PLB1: variants seen among roughly 807,000 people sequenced by gnomAD.
PLB1 encodes phospholipase B1, membrane-associated.
PLB1 carries 242 observed loss-of-function variants against 227.4 expected under a neutral mutation model. The ratio of observed to expected loss-of-function variants is 1.06; its 90% confidence interval spans 0.96 to 1.18. The LOEUF is 1.18. PLB1 is among the 50% of genes most tolerant of loss of function. PLB1 has a pLI of 0.00. For synonymous variants in PLB1, 757 were observed against 682.2 expected, an observed-to-expected ratio of 1.11 and a Z score of -1.71; for missense variants, 1,858 against 1,816.3, an observed-to-expected ratio of 1.02 and a Z score of -0.42.
At chr2:28,614,212 A>T in intron 44 of PLB1, 116 bp downstream of exon 44, 2 of 1,026,028 alleles carry the variant, frequency 1.9e-6, no homozygotes, top group Non-Finnish European at 3.1e-6. Context: ...CTTCTTACAT[A>T]CTGGGGATTG....
At chr2:28,522,202 C>T (rs1669612261) in intron 4 of PLB1, among the ~76,000 whole-genome samples, 1 of 151,852 alleles carries the variant, frequency 6.6e-6, no homozygotes, top group Admixed American at 6.6e-5. Context: ...TAGAACTTCA[C>T]CCTGATCACA....
chr2:28,497,911 G>C (rs974049782), intron 1 of PLB1, among the ~76,000 whole-genome samples: 5 of 151,648 alleles, frequency 3.3e-5, no homozygotes, highest in African/African-American at 1.2e-4. Context: ...TAGAGACAGG[G>C]TTTCACCATG....
chr2:28,497,106 T>G (rs1666545140), intron 1 of PLB1, among the ~76,000 whole-genome samples: 1 of 152,264 alleles, frequency 6.6e-6, no homozygotes, highest in South Asian at 2.1e-4. Context: ...AGTGTTTTCA[T>G]AGAGATTGTT....
At chr2:28,576,702 C>A (rs930883372) in intron 21 of PLB1, among the ~76,000 whole-genome samples, 8 of 152,268 alleles carry the variant, frequency 5.3e-5, no homozygotes, top group African/African-American at 1.4e-4. Context: ...TGCACTACAA[C>A]CTGGGCGATA....
At chr2:28,515,723 A>G (rs1455793455) in intron 1 of PLB1, among the ~76,000 whole-genome samples, 1 of 152,184 alleles carries the variant, frequency 6.6e-6, no homozygotes, top group African/African-American at 2.4e-5. Context: ...GGCATTGCTA[A>G]TGTTGTTTGG....
At chr2:28,542,608 T>C (rs1051083405) in intron 13 of PLB1, among the ~76,000 whole-genome samples, 2 of 152,110 alleles carry the variant, frequency 1.3e-5, no homozygotes, top group Non-Finnish European at 2.9e-5. Flanking sequence ...TGCCAGCTCT[T>C]GTCCCTCCCC....
chr2:28,553,237 T>C (rs1674523533), intron 17 of PLB1, among the ~76,000 whole-genome samples: 1 of 152,166 alleles, frequency 6.6e-6, no homozygotes, highest in Non-Finnish European at 1.5e-5. Context: ...AAGAACCCAA[T>C]GTTAGTTGTG....
chr2:28,504,548 G>A (rs1475655174), intron 1 of PLB1, among the ~76,000 whole-genome samples: 1 of 152,106 alleles, frequency 6.6e-6, no homozygotes, highest in Non-Finnish European at 1.5e-5. Flanking sequence ...TTCGAGACCA[G>A]CCTGGCCAAC....
At chr2:28,606,956 G>A (rs1170137436) in intron 43 of PLB1, among the ~76,000 whole-genome samples, 1 of 152,172 alleles carries the variant, frequency 6.6e-6, no homozygotes, top group Admixed American at 6.5e-5. Context: ...CAGGAGCCAG[G>A]CAGGCTTAAG....
intron 4 of PLB1, among the ~76,000 whole-genome samples, chr2:28,522,630 C>T (rs1455591582): frequency 5.3e-5 from 8 of 152,142 alleles, no homozygotes; most frequent in Admixed American, 3.9e-4. Context: ...ACTTTAAGCC[C>T]GTCAGTGACT....
At chr2:28,593,837 C>G in intron 33 of PLB1, 83 bp downstream of exon 33, 1 of 1,266,376 alleles carries the variant, frequency 7.9e-7, no homozygotes, top group Non-Finnish European at 1.1e-6. Flanking sequence ...ATATGTAAAT[C>G]CCAGAGGTCG....
rs745846549 is a variant in PLB1 at position 28,598,018 on chromosome 2, G to A, written c.2335G>A (p.Gly779Ser). ...CACTCCCTACAGTGCAGGAGGGGAC[G>A]GCTCCCTGGAGAATGTGACCACCTT... ...RGLSYSAGGD[G>S]SLENVTTLPN... is the part of the protein sequence containing the mutation. The change falls in exon 34 of 58, where the codon GGC becomes AGC. Residue 779 changes from glycine (G) to serine (S), a missense_variant. Transcript: ENST00000327757. The A allele has an allele frequency of 1.5e-5, 25 of 1,613,284 alleles. No individual in the cohort carries two copies. The highest frequency in any genetic ancestry group is 6.7e-5 in the East Asian group (3 of 44,876).
In PLB1 at chr2:28,543,282, G is replaced by T. The variant is rs1459267464; in HGVS notation, c.936+14G>T. 3.7e-6 allele frequency: 6 copies of T among 1,609,588 alleles called. No individual in the cohort carries two copies. The East Asian group carries it at 1.1e-4, about 30-fold the overall frequency. ...TGGAATAGGATGGTGAGTAGATGGG[G>T]CCTGGGGTGGGGCCCACAGAGGAGG... On this transcript the variant is annotated intron_variant, in intron 14 of 57. Transcript: ENST00000327757.
chr2:28,613,003 A>G (rs998973376), intron 43 of PLB1, among the ~76,000 whole-genome samples: 6 of 151,680 alleles, frequency 4.0e-5, no homozygotes, highest in Admixed American at 2.0e-4. Flanking sequence ...CACTGTAACC[A>G]CAAACTCCTG....
chr2:28,526,743 A>G (rs772767233), intron 6 of PLB1, among the ~76,000 whole-genome samples: 1 of 152,184 alleles, frequency 6.6e-6, no homozygotes, highest in Non-Finnish European at 1.5e-5. Context: ...CTGGTGCTCC[A>G]TGGGAGTAAT....
In PLB1 at chr2:28,601,915, C is replaced by T. The variant is rs1291056991; in HGVS notation, c.2624C>T (p.Ala875Val). 1 of 1,610,420 alleles carries T rather than the reference C, an allele frequency of 6.2e-7. No homozygotes were observed. Among genetic ancestry groups the T allele is most frequent in the Admixed American group, 1.7e-5 (1 of 60,016 alleles). The change falls in exon 38 of 58, where the codon GCC becomes GTC. Residue 875 changes from alanine to valine, a missense_variant. Physicochemically the swap from Ala to Val is moderately conservative, Grantham distance 64. Coordinates refer to ENST00000327757, the MANE Select transcript of PLB1 (RefSeq NM_153021.5). ...TCTTTCTAGAATCTGTATTCTGCAG[C>T]CAACTTTGTTCACCATCTCCGCAAT... ...YCTDSNLYSA[A>V]NFVHHLRNAL...
chr2:28,543,933 G>T (rs73922155), intron 14 of PLB1, among the ~76,000 whole-genome samples: 1 of 152,228 alleles, frequency 6.6e-6, no homozygotes, highest in Admixed American at 6.5e-5. Context: ...GGAATGTGGC[G>T]TCGACGTCGA....
chr2:28,547,215 AAG>A (rs1491085677), intron 14 of PLB1, among the ~76,000 whole-genome samples: 7 of 55,702 alleles, frequency 1.3e-4, no homozygotes, highest in African/African-American at 1.7e-4. Flanking sequence ...AAAAAAAAAA[AAG>A]AAAAAAAAAA....
chr2:28,529,849 A>G, intron 8 of PLB1, 70 bp downstream of exon 8: 1 of 1,470,522 alleles, frequency 6.8e-7, no homozygotes. Flanking sequence ...GACCGAAGTG[A>G]TGATGACCCT....
Sources: allele counts gnomAD v4.1 joint callset (sites outside exome capture counted in the v4.1 genomes callset), GRCh38; gene constraint gnomAD v4.1.1; transcripts MANE v1.5; gene names NCBI Gene and HGNC (gene_info 2026-07-23, HGNC 2026-07-21).